The following PRPSAP1 variants were observed in gnomAD, a reference collection of about 807,000 sequenced individuals.
PRPSAP1 encodes the protein phosphoribosyl pyrophosphate synthetase associated protein 1.
In PRPSAP1, 31 loss-of-function variants were observed where a neutral mutation model predicts 39.4. That is an observed-to-expected ratio of 0.79 (90% CI 0.59 to 1.06). The LOEUF is 1.06. PRPSAP1 is among the 50% of genes least tolerant of loss of function. The pLI is 0.00. For missense variants in PRPSAP1, 430 were observed against 511.6 expected, an observed-to-expected ratio of 0.84 and a Z score of 1.54; for synonymous variants, 212 against 192.6, an observed-to-expected ratio of 1.10 and a Z score of -0.83.
At chr17:76,334,319 T>TC (rs1354293861) in intron 3 of PRPSAP1, among the ~76,000 whole-genome samples, 1 of 152,230 alleles carries the variant, frequency 6.6e-6, no homozygotes, top group Non-Finnish European at 1.5e-5. Context: ...GATGCTGCCC[T>TC]CATTACAGCA....
In PRPSAP1 at chr17:76,332,419, C is replaced by G; in HGVS notation, c.307G>C (p.Val103Leu). 6.2e-7 allele frequency: 1 copy of G among 1,614,080 alleles called. No individual in the cohort carries two copies. ...TAAGCCATGATGAGCAACTCCATCA[C>G]AGCTGTATTCACATCTCTGAAACAG... is the stretch of plus-strand genomic sequence containing the variant. ...QTIPRDVNTA[V>L]MELLIMAYAL... Residue 103 changes from valine (V) to leucine (L), a missense_variant, in exon 4 of 10, where the codon GTG becomes CTG. Coordinates refer to ENST00000446526, the MANE Select transcript of PRPSAP1 (RefSeq NM_002766.3).
intron 3 of PRPSAP1, 45 bp downstream of exon 3, chr17:76,344,626 G>T: frequency 7.4e-7 from 1 of 1,358,642 alleles, no homozygotes; most frequent in Non-Finnish European, 1.0e-6. Context: ...CAATTATATT[G>T]TTAAGGTTTT....
chr17:76,313,952 T>A, intron 7 of PRPSAP1, 61 bp from the exon 8 acceptor site: 1 of 1,569,250 alleles, frequency 6.4e-7, no homozygotes, highest in Non-Finnish European at 8.7e-7. Context: ...AGAAATGTAA[T>A]CACAACCTAA....
chr17:76,345,066 T>C (rs1201579893), intron 2 of PRPSAP1, among the ~76,000 whole-genome samples: 2 of 151,310 alleles, frequency 1.3e-5, no homozygotes, highest in Non-Finnish European at 2.9e-5. Flanking sequence ...AAACCCCGTC[T>C]CTACTAAAAA....
rs111502869 is a variant in PRPSAP1, at chr17:76,348,329, C to T, written c.223+200G>A. On this transcript the variant is annotated intron_variant, in intron 2 of 9. Transcript: ENST00000446526. ...CTCTACTAAAAATACAAAAATTAGC[C>T]GGGTGTGGTGGCGGGCGTCTGTAAT... is the stretch of plus-strand genomic sequence containing the variant. Among the ~76,000 whole-genome samples the T allele has an allele frequency of 4.0e-5, 6 of 151,392 alleles. No homozygotes were observed. The East Asian group carries it at 7.7e-4, about 20-fold the overall frequency.
chr17:76,354,094 C>T, upstream of PRPSAP1: 4 of 1,031,236 alleles, frequency 3.9e-6, no homozygotes, highest in Non-Finnish European at 4.7e-6. Context: ...TTCGGTCTCA[C>T]TTTCTTGGGA....
intron 7 of PRPSAP1, among the ~76,000 whole-genome samples, chr17:76,322,974 G>C (rs1281399673): frequency 6.6e-6 from 1 of 151,898 alleles, no homozygotes; most frequent in Non-Finnish European, 1.5e-5. Flanking sequence ...AGGTCTGGGT[G>C]AGAGAGGGAG....
intron 1 of PRPSAP1, chr17:76,353,279 A>C: frequency 2.1e-6 from 1 of 471,152 alleles, no homozygotes; most frequent in Non-Finnish European, 3.7e-6. Flanking sequence ...GCGGAGACGA[A>C]AGGCAGGCAG....
chr17:76,332,179 G>C, intron 4 of PRPSAP1, 84 bp downstream of exon 4: 2 of 1,462,912 alleles, frequency 1.4e-6, no homozygotes, highest in South Asian at 2.5e-5. Context: ...TCCCAGATTG[G>C]ATATCTGAGG....
intron 7 of PRPSAP1, among the ~76,000 whole-genome samples, chr17:76,327,709 T>TCC (rs2071268970): frequency 6.6e-6 from 1 of 152,144 alleles, no homozygotes; most frequent in Non-Finnish European, 1.5e-5. Context: ...TGGTATTTGA[T>TCC]CAACAGCTGT....
At chr17:76,318,637 A>G (rs573885505) in intron 7 of PRPSAP1, among the ~76,000 whole-genome samples, 1 of 152,336 alleles carries the variant, frequency 6.6e-6, no homozygotes, top group East Asian at 1.9e-4. Context: ...TGGGAGGTGC[A>G]ATTTATTACA....
intron 3 of PRPSAP1, among the ~76,000 whole-genome samples, chr17:76,339,362 G>A (rs149987407): frequency 0.037 from 5,469 of 147,746 alleles, 167 homozygotes; most frequent in Non-Finnish European, 0.05. Context: ...CCGAGATCAC[G>A]CCACTGCACT....
At chr17:76,331,822 T>A (rs2071324977) in intron 4 of PRPSAP1, among the ~76,000 whole-genome samples, 1 of 151,484 alleles carries the variant, frequency 6.6e-6, no homozygotes, top group Non-Finnish European at 1.5e-5. Flanking sequence ...ACAAGGAGAA[T>A]AAAGCAATGA....
At chr17:76,314,163 C>A in intron 7 of PRPSAP1, 1 of 446,194 alleles carries the variant, frequency 2.2e-6, no homozygotes, top group South Asian at 2.5e-5. Flanking sequence ...TTATGCAATT[C>A]CCAAAATATT....
chr17:76,333,097 T>C (rs2143506572), intron 3 of PRPSAP1, among the ~76,000 whole-genome samples: 1 of 151,864 alleles, frequency 6.6e-6, no homozygotes, highest in South Asian at 2.1e-4. Context: ...TTCACCATGT[T>C]AGCCAGGATG....
chr17:76,313,944 A>G, intron 7 of PRPSAP1, 53 bp from the exon 8 acceptor site: 30 of 1,583,408 alleles, frequency 1.9e-5, no homozygotes, highest in Non-Finnish European at 2.3e-5. Flanking sequence ...ATCACTAGAG[A>G]AATGTAATCA....
intron 7 of PRPSAP1, chr17:76,319,476 A>AT (rs200263487): frequency 0.032 from 4,840 of 150,782 alleles, 281 homozygotes; most frequent in African/African-American, 0.11. Context: ...GATTTATTTT[A>AT]TTTTTTTTTC....
chr17:76,314,031 A>C, intron 7 of PRPSAP1, 140 bp from the exon 8 acceptor site: 1 of 793,340 alleles, frequency 1.3e-6, no homozygotes, highest in Non-Finnish European at 2.1e-6. Flanking sequence ...TTCCCCCTCA[A>C]TGAACCTGCA....
At chr17:76,327,991 CT>C (rs2071271214) in intron 7 of PRPSAP1, among the ~76,000 whole-genome samples, 1 of 151,882 alleles carries the variant, frequency 6.6e-6, no homozygotes, top group Non-Finnish European at 1.5e-5. Flanking sequence ...CAAAACCAGC[CT>C]GGGCAATGCA....
Sources: allele counts gnomAD v4.1 joint callset (sites outside exome capture counted in the v4.1 genomes callset), GRCh38; gene constraint gnomAD v4.1.1; transcripts MANE v1.5; gene names NCBI Gene and HGNC (gene_info 2026-07-23, HGNC 2026-07-21).